The following MCC variants were observed in gnomAD, a reference collection of about 807,000 sequenced individuals.
MCC encodes colorectal mutant cancer protein.
A neutral mutation model predicts 116.2 loss-of-function variants in MCC; 90 were observed. That is an observed-to-expected ratio of 0.77 (90% CI 0.65 to 0.92). MCC has a LOEUF of 0.92. MCC is among the 40% of genes least tolerant of loss of function. The probability of loss-of-function intolerance (pLI) is 0.00; values close to 1 mark genes in which losing one functional copy is unlikely to be tolerated. For synonymous variants in MCC, 578 were observed against 510.5 expected, an observed-to-expected ratio of 1.13 and a Z score of -1.78; for missense variants, 1,516 against 1,312.2, an observed-to-expected ratio of 1.16 and a Z score of -2.40.
chr5:113,142,666 G>A (rs1200573003), intron 5 of MCC, among the ~76,000 whole-genome samples: 1 of 147,094 alleles, frequency 6.8e-6, no homozygotes, highest in Non-Finnish European at 1.6e-5. Flanking sequence ...CCTGCCTTAT[G>A]AGTCCAGTAA....
chr5:113,372,059 G>A (rs536192988), intron 2 of MCC, among the ~76,000 whole-genome samples: 24 of 152,308 alleles, frequency 1.6e-4, no homozygotes, highest in Non-Finnish European at 2.8e-4. Flanking sequence ...AATTGCTTCA[G>A]TTAAATCATG....
chr5:113,458,398 A>G (rs1771642386), intron 1 of MCC, among the ~76,000 whole-genome samples: 1 of 151,720 alleles, frequency 6.6e-6, no homozygotes, highest in African/African-American at 2.4e-5. Context: ...CGGGACCACG[A>G]ACCCACCAGA....
intron 13 of MCC, among the ~76,000 whole-genome samples, chr5:113,065,391 A>G (rs892109959): frequency 2.0e-5 from 3 of 152,194 alleles, no homozygotes; most frequent in African/African-American, 7.2e-5. Flanking sequence ...AAACAAAACA[A>G]AACAGAAACT....
At position 113,026,955 on chromosome 5, in the gene MCC, G is replaced by C. The variant is rs1362895322; in HGVS notation, c.*347C>G. Reference sequence around the variant, plus strand: ...AGAGGATACAATGGAAAATCTTACAGAAACAAATGTCTGGGATCCCACTGA... The same window carrying C: ...AGAGGATACAATGGAAAATCTTACACAAACAAATGTCTGGGATCCCACTGA... On this transcript the variant is annotated 3_prime_UTR_variant, in exon 19 of 19. Coordinates refer to ENST00000408903, the MANE Select transcript of MCC (RefSeq NM_001085377.2). 3 of 235,546 alleles carry C rather than the reference G, an allele frequency of 1.3e-5. No individual in the cohort carries two copies. The highest frequency in any genetic ancestry group is 6.8e-5 in the African/African-American group (3 of 44,396). 14.6% of individuals were successfully genotyped at this position (235,546 alleles called of 1,614,324 possible).
At chr5:113,417,659 C>A (rs1160145452) in intron 1 of MCC, among the ~76,000 whole-genome samples, 1 of 152,086 alleles carries the variant, frequency 6.6e-6, no homozygotes, top group Non-Finnish European at 1.5e-5. Flanking sequence ...TCATACAAGG[C>A]CAGGCACGCC....
intron 3 of MCC, among the ~76,000 whole-genome samples, chr5:113,214,924 T>TA (rs1430636742): frequency 6.6e-6 from 1 of 152,212 alleles, no homozygotes; most frequent in Non-Finnish European, 1.5e-5. Flanking sequence ...GGTTCAGCCT[T>TA]ACTGGAAAAC....
chr5:113,122,219 A>G (rs1757774981), intron 6 of MCC, among the ~76,000 whole-genome samples: 1 of 152,142 alleles, frequency 6.6e-6, no homozygotes, highest in Non-Finnish European at 1.5e-5. Context: ...TCTCAACACA[A>G]CTTCCTAAGG....
At chr5:113,346,248 A>C (rs1768129457) in intron 2 of MCC, among the ~76,000 whole-genome samples, 1 of 152,188 alleles carries the variant, frequency 6.6e-6, no homozygotes, top group Admixed American at 6.5e-5. Context: ...AAAAGGGTAA[A>C]TCTAAGAGGT....
chr5:113,448,204 T>C (rs1771276817), intron 1 of MCC: 1 of 152,304 alleles, frequency 6.6e-6, no homozygotes, highest in South Asian at 2.1e-4. Context: ...TTTCAAAAGA[T>C]GGAGGATCCA....
At chr5:113,424,316 CAG>C (rs1279791433) in intron 1 of MCC, among the ~76,000 whole-genome samples, 3 of 151,896 alleles carry the variant, frequency 2.0e-5, no homozygotes, top group Admixed American at 1.3e-4. Flanking sequence ...TCATAGGAAA[CAG>C]AAATAATGCT....
intron 1 of MCC, among the ~76,000 whole-genome samples, chr5:113,405,954 C>T (rs549261793): frequency 2.0e-5 from 3 of 152,092 alleles, no homozygotes; most frequent in Admixed American, 6.5e-5. Context: ...CATTATTTTC[C>T]TCCTGATGAT....
At chr5:113,113,775 T>C (rs895076163) in intron 6 of MCC, among the ~76,000 whole-genome samples, 5 of 151,434 alleles carry the variant, frequency 3.3e-5, no homozygotes, top group Non-Finnish European at 5.9e-5. Flanking sequence ...AAAATGGCAA[T>C]GTCACAAGAG....
rs150279109 is a variant in MCC at position 113,049,220 on chromosome 5, C to T, written c.2528G>A (p.Arg843Gln). The T allele has an allele frequency of 7.0e-5, 113 of 1,613,902 alleles. No individual in the cohort carries two copies. The African/African-American group carries it at 1.4e-3, about 20-fold the overall frequency. The change falls in exon 16 of 19, where the codon CGG (arginine) becomes CAG (glutamine). Residue 843 changes from arginine to glutamine, a missense_variant. Transcript: ENST00000408903. ...KKALELKLST[R>Q]EAQEQAYLVH... ...CAGGTAGGCCTGCTCCTGGGCCTCC[C>T]GCGTGCTCAGCTTCAGCTCCAGGGC...
chr5:113,125,052 A>G (rs1426881143), intron 5 of MCC, among the ~76,000 whole-genome samples: 3 of 152,244 alleles, frequency 2.0e-5, no homozygotes, highest in African/African-American at 7.2e-5. Context: ...GAGGGGAGCA[A>G]GTGGTTCACT....
chr5:113,410,813 G>A (rs750899307), intron 1 of MCC, among the ~76,000 whole-genome samples: 2 of 152,132 alleles, frequency 1.3e-5, no homozygotes, highest in South Asian at 2.1e-4. Context: ...GTGTCCATGT[G>A]TTCTCGTTGT....
At chr5:113,386,700 A>G (rs1581444872) in intron 1 of MCC, among the ~76,000 whole-genome samples, 1 of 151,006 alleles carries the variant, frequency 6.6e-6, no homozygotes. Flanking sequence ...ATTTTTACAC[A>G]TAGCTACATG....
At position 113,339,438 on chromosome 5, in the gene MCC, T is replaced by TGTGTGTGTGCGCGC. The variant is rs145838279; in HGVS notation, c.627+1080_627+1081insGCGCGCACACACAC. Among the ~76,000 whole-genome samples the TGTGTGTGTGCGCGC allele has an allele frequency of 4.4e-3, 662 of 149,658 alleles. 2 individuals carry two copies. Among genetic ancestry groups the TGTGTGTGTGCGCGC allele is most frequent in the Non-Finnish European group, 5.7e-3 (386 of 67,590 alleles). On this transcript the variant is annotated intron_variant, in intron 3 of 18. Coordinates refer to ENST00000408903, the MANE Select transcript of MCC (RefSeq NM_001085377.2). ...GTGTGTGTGTGTGTGTGTGTGTGTG[T>TGTGTGTGTGCGCGC]GCGTGCATGTGTGTTTTACTGTAAT...
Position 113,024,175 on chromosome 5 carries a change from A to C in MCC, c.*3127T>G, listed in dbSNP as rs921567126. 6.6e-6 allele frequency: 1 copy of C among 152,226 alleles called. No individual in the cohort carries two copies. The highest frequency in any genetic ancestry group is 1.5e-5 in the Non-Finnish European group (1 of 68,046). 9.4% of individuals were successfully genotyped at this position (152,226 alleles called of 1,614,324 possible). On this transcript the variant is annotated 3_prime_UTR_variant, in exon 19 of 19. Transcript: ENST00000408903. ...TAAAATATTGCTGCAGGCTCAGAGA[A>C]GACTTAGTGCATGCATCTGAAAGGA...
At chr5:113,223,816 G>A (rs2150330548) in intron 3 of MCC, among the ~76,000 whole-genome samples, 1 of 152,218 alleles carries the variant, frequency 6.6e-6, no homozygotes, top group East Asian at 1.9e-4. Flanking sequence ...CTAGAGATTT[G>A]ACATTTAACC....
Sources: allele counts gnomAD v4.1 joint callset (sites outside exome capture counted in the v4.1 genomes callset), GRCh38; gene constraint gnomAD v4.1.1; transcripts MANE v1.5; gene names NCBI Gene and HGNC (gene_info 2026-07-23, HGNC 2026-07-21).